The following CFAP61 variants were observed in gnomAD, a reference collection of about 807,000 sequenced individuals.
CFAP61 encodes cilia- and flagella-associated protein 61.
CFAP61 carries 107 observed loss-of-function variants against 135.6 expected under a neutral mutation model. The observed-to-expected ratio is 0.79, with a 90% CI of 0.67 to 0.93. The LOEUF is 0.93. CFAP61 is among the 40% of genes least tolerant of loss of function. The pLI, the probability that CFAP61 is intolerant of heterozygous loss-of-function variation, is 0.00. For missense variants in CFAP61, 1,507 were observed against 1,556.2 expected (o/e 0.97, Z 0.53); for synonymous variants, 575 against 578.5 (o/e 0.99, Z 0.09).
chr20:20,064,033 C>A (rs2045035853), intron 2 of CFAP61, among the ~76,000 whole-genome samples: 1 of 52,216 alleles, frequency 1.9e-5, no homozygotes, highest in Admixed American at 2.3e-4. Flanking sequence ...AATAGAGTAA[C>A]CGCCCCCCAC....
At chr20:20,201,294 A>T (rs1388755243) in intron 17 of CFAP61, among the ~76,000 whole-genome samples, 6 of 152,248 alleles carry the variant, frequency 3.9e-5, no homozygotes, top group African/African-American at 1.4e-4. Context: ...TCCAGAACAC[A>T]GATTGAGTGG....
chr20:20,206,459 C>T (rs1357748305), intron 17 of CFAP61, among the ~76,000 whole-genome samples: 1 of 152,172 alleles, frequency 6.6e-6, no homozygotes, highest in Non-Finnish European at 1.5e-5. Flanking sequence ...CCTAGACAAC[C>T]AGTAGTCTAC....
chr20:20,303,108 A>C (rs1478802221), intron 25 of CFAP61, among the ~76,000 whole-genome samples: 1 of 152,220 alleles, frequency 6.6e-6, no homozygotes, highest in Admixed American at 6.5e-5. Flanking sequence ...ACCTTACCCA[A>C]AATATTTGAG....
intron 25 of CFAP61, among the ~76,000 whole-genome samples, chr20:20,307,973 G>T (rs1475325482): frequency 6.6e-6 from 1 of 152,198 alleles, no homozygotes. Context: ...TGAGCTGTTT[G>T]AGTTGTAAAG....
intron 21 of CFAP61, among the ~76,000 whole-genome samples, chr20:20,263,529 C>T (rs1211681341): frequency 6.6e-6 from 1 of 151,914 alleles, no homozygotes; most frequent in African/African-American, 2.4e-5. Context: ...TTGGAAGGGC[C>T]TTTTCTTCTT....
chr20:20,079,873 A>G (rs995424324), intron 6 of CFAP61, among the ~76,000 whole-genome samples: 3 of 152,122 alleles, frequency 2.0e-5, no homozygotes, highest in Admixed American at 2.0e-4. Flanking sequence ...ATGTCTTTCA[A>G]ATTTTTATTC....
chr20:20,147,207 T>A (rs978499316), intron 9 of CFAP61, among the ~76,000 whole-genome samples: 1 of 152,250 alleles, frequency 6.6e-6, no homozygotes, highest in Non-Finnish European at 1.5e-5. Flanking sequence ...GCTGTAAACA[T>A]GCATGTGCAT....
intron 8 of CFAP61, among the ~76,000 whole-genome samples, chr20:20,123,447 A>G (rs1186815823): frequency 6.6e-6 from 1 of 151,628 alleles, no homozygotes; most frequent in Non-Finnish European, 1.5e-5. Context: ...AGAGATGAGG[A>G]TCCAGTTTCA....
intron 12 of CFAP61, among the ~76,000 whole-genome samples, chr20:20,168,858 G>A (rs2054018511): frequency 6.6e-6 from 1 of 152,028 alleles, no homozygotes; most frequent in African/African-American, 2.4e-5. Flanking sequence ...ATTGGTTTAT[G>A]GATAATCACA....
chr20:20,138,676 C>T (rs913331597), intron 8 of CFAP61, among the ~76,000 whole-genome samples: 3 of 152,176 alleles, frequency 2.0e-5, no homozygotes, highest in African/African-American at 7.2e-5. Flanking sequence ...TGTGATCACT[C>T]CCCTGATTTT....
At chr20:20,078,050 G>A (rs2046181118) in intron 6 of CFAP61, among the ~76,000 whole-genome samples, 1 of 152,170 alleles carries the variant, frequency 6.6e-6, no homozygotes, top group African/African-American at 2.4e-5. Context: ...ATATATTTTG[G>A]GGTAAAAAAC....
intron 18 of CFAP61, among the ~76,000 whole-genome samples, chr20:20,242,599 C>T (rs998825): frequency 0.07 from 10,600 of 152,256 alleles, 1,171 homozygotes; most frequent in East Asian, 0.53. Flanking sequence ...CATTTCCAAC[C>T]TTGATTTTCT....
intron 17 of CFAP61, among the ~76,000 whole-genome samples, chr20:20,204,223 A>C (rs1267528374): frequency 6.6e-6 from 1 of 152,134 alleles, no homozygotes; most frequent in Non-Finnish European, 1.5e-5. Flanking sequence ...TTTCAGAGTG[A>C]TCTTGTTTTT....
intron 25 of CFAP61, among the ~76,000 whole-genome samples, chr20:20,334,428 T>C (rs1014161667): frequency 6.6e-6 from 1 of 152,196 alleles, no homozygotes; most frequent in Admixed American, 6.5e-5. Flanking sequence ...TGTGTGGCCA[T>C]AGTGTTAGCC....
intron 25 of CFAP61, among the ~76,000 whole-genome samples, chr20:20,337,941 A>G (rs141934343): frequency 3.7e-4 from 56 of 152,328 alleles, no homozygotes; most frequent in African/African-American, 1.3e-3. Context: ...CACGAAAATG[A>G]GGACACAGCA....
Position 20,090,937 on chromosome 20 carries a change from A to G in CFAP61, c.660A>G (p.Ile220Met). The change falls in exon 7 of 27, where the codon ATA becomes ATG. Residue 220 changes from isoleucine to methionine, a missense_variant. Physicochemically the swap from Ile to Met is conservative, Grantham distance 10 (BLOSUM62 1). Transcript: ENST00000245957. ...GTGAATACTTCCTGGCCGAACTAAT[A>G]GAGGCCCAAGATGAAGAGAATCATG... ...TYGEYFLAELIEAQDEENHAV... is the reference protein window; with the variant it reads ...TYGEYFLAELMEAQDEENHAV... The G allele has an allele frequency of 6.2e-7, 1 of 1,614,126 alleles. No homozygotes were observed. The highest frequency in any genetic ancestry group is 8.5e-7 in the Non-Finnish European group (1 of 1,179,988).
At chr20:20,102,349 A>G (rs2048089055) in intron 8 of CFAP61, among the ~76,000 whole-genome samples, 1 of 152,220 alleles carries the variant, frequency 6.6e-6, no homozygotes, top group African/African-American at 2.4e-5. Flanking sequence ...GGGTGAGAGT[A>G]TAAATACCCC....
At chr20:20,350,692 A>C (rs2058805521) in intron 26 of CFAP61, among the ~76,000 whole-genome samples, 1 of 152,250 alleles carries the variant, frequency 6.6e-6, no homozygotes, top group Non-Finnish European at 1.5e-5. Context: ...TGCTTGTACA[A>C]GAACATTCAA....
chr20:20,217,923 T>A (rs1363871928), intron 17 of CFAP61, among the ~76,000 whole-genome samples: 1 of 152,214 alleles, frequency 6.6e-6, no homozygotes, highest in Non-Finnish European at 1.5e-5. Context: ...TAGACTGACC[T>A]ATGGGTCAGT....
Sources: gnomAD v4.1 joint callset for allele counts (sites outside exome capture counted in the v4.1 genomes callset) on GRCh38, gnomAD v4.1.1 for gene constraint, MANE v1.5 for transcripts, NCBI Gene and HGNC (gene_info 2026-07-23, HGNC 2026-07-21) for gene names.